Variants in PCSK5 observed in about 807,000 individuals in gnomAD.
The protein encoded by PCSK5 is prohormone convertase 5.
A neutral mutation model predicts 233.2 loss-of-function variants in PCSK5; 129 were observed. The ratio of observed to expected loss-of-function variants is 0.55; its 90% confidence interval spans 0.48 to 0.64. PCSK5 has a LOEUF of 0.64. PCSK5 is among the 30% of genes least tolerant of loss of function. PCSK5 has a pLI of 0.00. For synonymous variants in PCSK5, 825 were observed against 879.2 expected (o/e 0.94, Z 1.09); for missense variants, 2,076 against 2,430.1 (o/e 0.85, Z 3.06).
chr9:76,298,228 G>A (rs140505628), intron 27 of PCSK5, among the ~76,000 whole-genome samples: 40 of 152,116 alleles, frequency 2.6e-4, no homozygotes, highest in African/African-American at 8.7e-4. Context: ...ACTGGACTAC[G>A]CATTTTGCAA....
intron 1 of PCSK5, among the ~76,000 whole-genome samples, chr9:75,931,699 G>A (rs1241076411): frequency 2.0e-5 from 3 of 152,228 alleles, no homozygotes; most frequent in African/African-American, 7.2e-5. Context: ...AAAGGTGTAT[G>A]TAAATGAGAG....
At chr9:76,200,187 A>G (rs916257116) in intron 20 of PCSK5, among the ~76,000 whole-genome samples, 1 of 152,176 alleles carries the variant, frequency 6.6e-6, no homozygotes, top group Non-Finnish European at 1.5e-5. Context: ...CTGTTTACTG[A>G]GCATAAAATC....
At chr9:75,943,076 G>A (rs1054582789) in intron 2 of PCSK5, among the ~76,000 whole-genome samples, 2 of 151,716 alleles carry the variant, frequency 1.3e-5, no homozygotes, top group African/African-American at 4.8e-5. Flanking sequence ...GTAGAGACGG[G>A]GTTTCGCCAT....
At chr9:76,070,125 C>T (rs905318766) in intron 6 of PCSK5, among the ~76,000 whole-genome samples, 2 of 151,708 alleles carry the variant, frequency 1.3e-5, no homozygotes, top group African/African-American at 2.4e-5. Flanking sequence ...CTCAGCCTCC[C>T]GAGTAGCTGG....
At chr9:75,967,759 G>A (rs1402150506) in intron 2 of PCSK5, among the ~76,000 whole-genome samples, 2 of 71,358 alleles carry the variant, frequency 2.8e-5, no homozygotes, top group African/African-American at 1.1e-4. Flanking sequence ...CAAGGGCAGT[G>A]CCCAGCCTTT....
At chr9:76,221,549 G>A (rs889565421) in intron 20 of PCSK5, among the ~76,000 whole-genome samples, 2 of 152,158 alleles carry the variant, frequency 1.3e-5, no homozygotes, top group South Asian at 2.1e-4. Context: ...ACATAGAACA[G>A]CACTTGTAAT....
intron 1 of PCSK5, among the ~76,000 whole-genome samples, chr9:75,922,729 A>C (rs2131260151): frequency 6.6e-6 from 1 of 152,216 alleles, no homozygotes; most frequent in South Asian, 2.1e-4. Context: ...ATGTTTTCCA[A>C]CTCTGAGATT....
chr9:76,191,913 T>G (rs1256662626), intron 20 of PCSK5, among the ~76,000 whole-genome samples: 1 of 149,436 alleles, frequency 6.7e-6, no homozygotes, highest in Non-Finnish European at 1.5e-5. Flanking sequence ...ACCCCATCTC[T>G]ACTAAAAATA....
intron 3 of PCSK5, among the ~76,000 whole-genome samples, chr9:76,012,938 G>T (rs1286849049): frequency 6.6e-6 from 1 of 152,048 alleles, no homozygotes; most frequent in African/African-American, 2.4e-5. Flanking sequence ...TTATTACAGG[G>T]CATGGCAAAA....
At chr9:76,302,059 G>A in intron 27 of PCSK5, 78 bp from the exon 28 acceptor site, 1 of 571,422 alleles carries the variant, frequency 1.8e-6, no homozygotes, top group Non-Finnish European at 2.8e-6. Flanking sequence ...CTGGGTGGTG[G>A]GTTTATAGGT....
At chr9:75,911,683 T>G (rs1822745606) in intron 1 of PCSK5, among the ~76,000 whole-genome samples, 1 of 152,174 alleles carries the variant, frequency 6.6e-6, no homozygotes, top group African/African-American at 2.4e-5. Context: ...CTAGGATGGC[T>G]TCACTCACAT....
intron 1 of PCSK5, among the ~76,000 whole-genome samples, chr9:75,920,834 A>T (rs1823226310): frequency 6.6e-6 from 1 of 152,126 alleles, no homozygotes; most frequent in African/African-American, 2.4e-5. Context: ...AAATAAAAAA[A>T]CAAATAAAAA....
At chr9:76,279,310 C>G (rs946523390) in intron 24 of PCSK5, among the ~76,000 whole-genome samples, 17 of 149,642 alleles carry the variant, frequency 1.1e-4, no homozygotes, top group Admixed American at 3.3e-4. Context: ...TCCAGTCTAT[C>G]ATTGTTGGGC....
intron 2 of PCSK5, among the ~76,000 whole-genome samples, chr9:75,960,406 C>A (rs1825296882): frequency 6.6e-6 from 1 of 151,986 alleles, no homozygotes; most frequent in Non-Finnish European, 1.5e-5. Context: ...ACTCTGTGGG[C>A]AGTTAATCCC....
At chr9:76,046,367 G>A (rs562221917) in intron 5 of PCSK5, among the ~76,000 whole-genome samples, 3 of 150,256 alleles carry the variant, frequency 2.0e-5, no homozygotes, top group African/African-American at 4.9e-5. Context: ...TAGTGGAGAC[G>A]GGGTTTCACT....
At chr9:76,220,425 G>A (rs1013754881) in intron 20 of PCSK5, among the ~76,000 whole-genome samples, 3 of 151,484 alleles carry the variant, frequency 2.0e-5, no homozygotes, top group African/African-American at 4.9e-5. Flanking sequence ...TACTCGGAAG[G>A]CTGAGGAAGG....
At chr9:76,255,047 G>C (rs1361159709) in intron 24 of PCSK5, among the ~76,000 whole-genome samples, 1 of 152,178 alleles carries the variant, frequency 6.6e-6, no homozygotes, top group Non-Finnish European at 1.5e-5. Flanking sequence ...AACACCTTGG[G>C]AGACTGAGGT....
intron 1 of PCSK5, among the ~76,000 whole-genome samples, chr9:75,925,273 C>T (rs1443033596): frequency 6.6e-6 from 1 of 152,142 alleles, no homozygotes; most frequent in East Asian, 1.9e-4. Flanking sequence ...GCCTATGTTA[C>T]ATTATATGTC....
At chr9:76,159,774 T>C (rs1248001299) in intron 12 of PCSK5, among the ~76,000 whole-genome samples, 1 of 151,830 alleles carries the variant, frequency 6.6e-6, no homozygotes, top group African/African-American at 2.4e-5. Context: ...GCCTGAGGAT[T>C]ATGGTTTGCT....
Sources: gnomAD v4.1 joint callset for allele counts (sites outside exome capture counted in the v4.1 genomes callset) on GRCh38, gnomAD v4.1.1 for gene constraint, MANE v1.5 for transcripts, NCBI Gene and HGNC (gene_info 2026-07-23, HGNC 2026-07-21) for gene names.